The following PLAAT1 variants were observed in gnomAD, a reference collection of about 807,000 sequenced individuals.
PLAAT1 encodes phospholipase A and acyltransferase 1, also known as H-REV107 protein-related protein.
Under a neutral mutation model 16.4 loss-of-function variants are expected in PLAAT1, and 13 were observed. The ratio of observed to expected loss-of-function variants is 0.79; its 90% confidence interval spans 0.52 to 1.26. The LOEUF (loss-of-function observed/expected upper bound fraction) is 1.26. PLAAT1 is among the 50% of genes most tolerant of loss of function. The pLI, the probability that PLAAT1 is intolerant of heterozygous loss-of-function variation, is 0.00. For synonymous variants in PLAAT1, 73 were observed against 78.4 expected (o/e 0.93, Z 0.36); for missense variants, 218 against 207.8 (o/e 1.05, Z -0.30).
At chr3:193,261,434 G>T (rs1716580820) in intron 2 of PLAAT1, among the ~76,000 whole-genome samples, 1 of 151,960 alleles carries the variant, frequency 6.6e-6, no homozygotes, top group Non-Finnish European at 1.5e-5. Context: ...TATGTTTAAA[G>T]AGAAGTATTT....
At chr3:193,274,179 G>T (rs1032711232), downstream of PLAAT1, among the ~76,000 whole-genome samples, 4 of 152,114 alleles carry the variant, frequency 2.6e-5, no homozygotes, top group African/African-American at 7.2e-5. Context: ...GGAGGCGGAG[G>T]TTGCAGTGAG....
At chr3:193,262,862 G>A (rs915414019) in intron 2 of PLAAT1, 108 bp from the exon 3 acceptor site, 1 of 1,108,922 alleles carries the variant, frequency 9.0e-7, no homozygotes, top group African/African-American at 1.6e-5. Flanking sequence ...TAATAAGTTA[G>A]GAACAGGGCT....
At chr3:193,250,463 T>C (rs900544963) in intron 1 of PLAAT1, among the ~76,000 whole-genome samples, 3 of 152,144 alleles carry the variant, frequency 2.0e-5, no homozygotes, top group African/African-American at 7.2e-5. Context: ...CCTGGAGAGA[T>C]TGCTGCTGAA....
Position 193,266,918 on chromosome 3 carries a change from A to T in PLAAT1, c.405+3683A>T, listed in dbSNP as rs987032749. Among the ~76,000 whole-genome samples the T allele has an allele frequency of 3.3e-5, 5 of 152,244 alleles. No homozygotes were observed. The East Asian group carries it at 9.6e-4, about 29-fold the overall frequency. The stretch of plus-strand genomic sequence containing the variant: ...AAGCTTAGGGCCCTTGAGCTTAGAA[A>T]TGTTTTCTTGGGAATGGCTATGTAT... On this transcript the variant is annotated intron_variant, in intron 3 of 3. Coordinates refer to ENST00000264735, the MANE Select transcript of PLAAT1 (RefSeq NM_020386.5).
intron 1 of PLAAT1, among the ~76,000 whole-genome samples, chr3:193,251,148 A>T (rs1716180054): frequency 6.6e-6 from 1 of 152,174 alleles, no homozygotes; most frequent in South Asian, 2.1e-4. Flanking sequence ...CTTCTCAGGC[A>T]TGGAGAGATC....
chr3:193,251,380 G>C (rs893198438), intron 1 of PLAAT1, among the ~76,000 whole-genome samples: 1 of 152,124 alleles, frequency 6.6e-6, no homozygotes, highest in African/African-American at 2.4e-5. Context: ...CCCAGATACC[G>C]GTGTATTACA....
intron 1 of PLAAT1, among the ~76,000 whole-genome samples, chr3:193,245,990 C>T (rs185651180): frequency 6.6e-6 from 1 of 152,316 alleles, no homozygotes; most frequent in African/African-American, 2.4e-5. Context: ...CAAGGAGAAT[C>T]CTAATGTCAT....
chr3:193,261,298 G>T (rs1348303306), intron 2 of PLAAT1, among the ~76,000 whole-genome samples: 1 of 151,964 alleles, frequency 6.6e-6, no homozygotes, highest in Non-Finnish European at 1.5e-5. Context: ...AGCCTAGGAG[G>T]TGGAGGTTGC....
At chr3:193,273,431 CA>C (rs2108807480), downstream of PLAAT1, among the ~76,000 whole-genome samples, 1 of 152,234 alleles carries the variant, frequency 6.6e-6, no homozygotes, top group South Asian at 2.1e-4. Flanking sequence ...TAGGAATTTG[CA>C]TTTATGCTGG....
At position 193,263,187 on chromosome 3, in the gene PLAAT1, T is replaced by G. The variant is rs915303284; in HGVS notation, c.357T>G (p.Cys119Trp). ...EVAYNLLVNN[C>W]EHFVTLLRYG... Reference sequence around the variant, plus strand: ...CCTATAACTTACTTGTCAACAACTGTGAACATTTTGTGACATTGCTTCGCT... The same window carrying G: ...CCTATAACTTACTTGTCAACAACTGGGAACATTTTGTGACATTGCTTCGCT... The change falls in exon 3 of 4, where the codon TGT becomes TGG. Residue 119 changes from cysteine to tryptophan, a missense_variant. Transcript: ENST00000264735. 2 of 1,614,078 alleles carry G rather than the reference T, an allele frequency of 1.2e-6. No homozygotes were observed. Among genetic ancestry groups the G allele is most frequent in the African/African-American group, 2.7e-5 (2 of 74,928 alleles).
intron 3 of PLAAT1, among the ~76,000 whole-genome samples, chr3:193,267,831 C>T (rs571826187): frequency 1.3e-5 from 2 of 152,206 alleles, no homozygotes; most frequent in Non-Finnish European, 2.9e-5. Context: ...TTTGCACTCT[C>T]AGCAATGAGA....
At chr3:193,263,305 G>A in intron 3 of PLAAT1, 70 bp downstream of exon 3, 2 of 1,439,216 alleles carry the variant, frequency 1.4e-6, no homozygotes, top group South Asian at 1.3e-5. Flanking sequence ...AGGTTCCCAG[G>A]CCTCAAACCA....
At chr3:193,276,721 T>C in intron 2 of PLAAT1, 1 of 1,496,790 alleles carries the variant, frequency 6.7e-7, no homozygotes, top group Non-Finnish European at 9.2e-7. Context: ...TTGTTTATCT[T>C]CCTAGAAAAA....
intron 3 of PLAAT1, among the ~76,000 whole-genome samples, chr3:193,266,684 A>C (rs79986700): frequency 0.019 from 2,840 of 152,268 alleles, 68 homozygotes; most frequent in Middle Eastern, 0.061. Context: ...GTCTCTCAGC[A>C]TACTGTATTA....
intron 2 of PLAAT1, among the ~76,000 whole-genome samples, chr3:193,256,566 C>T (rs559293231): frequency 6.6e-6 from 1 of 152,212 alleles, no homozygotes; most frequent in East Asian, 1.9e-4. Context: ...ACTTTCTGGC[C>T]TAGGAATTGT....
downstream of PLAAT1, among the ~76,000 whole-genome samples, chr3:193,274,471 C>A (rs1176965105): frequency 1.3e-5 from 2 of 152,198 alleles, no homozygotes; most frequent in Non-Finnish European, 2.9e-5. Context: ...TAACAAACAT[C>A]TCCTTCATTC....
intron 1 of PLAAT1, among the ~76,000 whole-genome samples, chr3:193,252,681 T>G (rs932939630): frequency 6.6e-6 from 1 of 152,334 alleles, no homozygotes; most frequent in African/African-American, 2.4e-5. Context: ...TTTTATAGTT[T>G]TACATATAAG....
intron 3 of PLAAT1, among the ~76,000 whole-genome samples, chr3:193,268,014 C>T (rs1716838581): frequency 6.6e-6 from 1 of 152,072 alleles, no homozygotes; most frequent in African/African-American, 2.4e-5. Flanking sequence ...ATGACCTTGC[C>T]TACTTTTTAA....
chr3:193,256,182 A>G (rs1716367101), intron 2 of PLAAT1, among the ~76,000 whole-genome samples: 1 of 152,198 alleles, frequency 6.6e-6, no homozygotes. Flanking sequence ...GGGTATACAG[A>G]CGTCTCCCTG....
Sources: gnomAD v4.1 joint callset for allele counts (sites outside exome capture counted in the v4.1 genomes callset) on GRCh38, gnomAD v4.1.1 for gene constraint, MANE v1.5 for transcripts, NCBI Gene and HGNC (gene_info 2026-07-23, HGNC 2026-07-21) for gene names.